Variants in MEG3 observed in about 807,000 individuals in gnomAD.
The protein encoded by MEG3 is maternally expressed 3, also known as Very putative protein from MEG3 locus.
At chr14:100,852,741 A>G (rs533696129), upstream of MEG3, 121 of 236,778 alleles carry the variant, frequency 5.1e-4, no homozygotes, top group Middle Eastern at 1.5e-3. Flanking sequence ...CGGGGAAGGG[A>G]GGGCCCATTG....
chr14:100,840,088 T>G lies in MEG3; in HGVS notation n.3045+3788T>G, dbSNP rs187497375. ...AGGTGCTGGGTCACTGGGGCCGCCG[T>G]GGGCCTCCCAACATGAGGGACTGTG... On this transcript the variant is annotated intron_variant and non_coding_transcript_variant, in intron 2 of 3. Transcript: ENST00000398461. Among the ~76,000 whole-genome samples the G allele has an allele frequency of 2.0e-3, 310 of 152,320 alleles. 2 individuals carry two copies. The highest frequency in any genetic ancestry group is 3.7e-3 in the Non-Finnish European group (250 of 68,034).
intron 2 of MEG3, among the ~76,000 whole-genome samples, chr14:100,840,574 G>A (rs1409946346): frequency 6.6e-6 from 1 of 152,194 alleles, no homozygotes; most frequent in African/African-American, 2.4e-5. Context: ...CCTCCCAGGG[G>A]TTGTGTGGGG....
At chr14:100,830,168 T>C (rs1298668086), downstream of MEG3, 3 of 152,100 alleles carry the variant, frequency 2.0e-5, no homozygotes, top group East Asian at 5.8e-4. Flanking sequence ...AAACCAAATG[T>C]TTGACAATGG....
At chr14:100,839,318 T>G (rs1444891263) in intron 2 of MEG3, among the ~76,000 whole-genome samples, 1 of 152,162 alleles carries the variant, frequency 6.6e-6, no homozygotes, top group Non-Finnish European at 1.5e-5. Flanking sequence ...AGTTGTGAAG[T>G]GTCCCAAGGA....
exon 1 of MEG3, chr14:100,834,458 T>C: frequency 3.2e-6 from 1 of 312,862 alleles, no homozygotes; most frequent in South Asian, 2.8e-5. Context: ...CACGTCCCCA[T>C]CCTGCTTGGG....
At chr14:100,838,590 C>A (rs1207436046) in intron 2 of MEG3, among the ~76,000 whole-genome samples, 1 of 152,200 alleles carries the variant, frequency 6.6e-6, no homozygotes, top group African/African-American at 2.4e-5. Flanking sequence ...CCCTGACTGA[C>A]TAGGCAGTGA....
At chr14:100,846,467 G>C (rs1233941519) in intron 3 of MEG3, 1 of 152,262 alleles carries the variant, frequency 6.6e-6, no homozygotes, top group Non-Finnish European at 1.5e-5. Flanking sequence ...TGTGTTTCTG[G>C]ACTGTGGGCT....
chr14:100,843,833 GTTTTTTT>G (rs11307044), intron 2 of MEG3, among the ~76,000 whole-genome samples: 1 of 70,732 alleles, frequency 1.4e-5, no homozygotes, highest in African/African-American at 6.5e-5. Flanking sequence ...CCCGGGACCT[GTTTTTTT>G]TTTTTTTTTT....
chr14:100,844,967 G>A (rs1173774589), intron 2 of MEG3, among the ~76,000 whole-genome samples: 3 of 152,152 alleles, frequency 2.0e-5, no homozygotes, highest in Admixed American at 1.3e-4. Context: ...CACAACGTGT[G>A]TGCCATGGTT....
exon 1 of MEG3, chr14:100,857,342 T>C (rs2038272775): frequency 6.6e-6 from 1 of 152,150 alleles, no homozygotes; most frequent in Non-Finnish European, 1.5e-5. Flanking sequence ...CTCTAAGCCA[T>C]AGGTCACCTG....
intron 1 of MEG3, chr14:100,826,157 G>C (rs1447140567): frequency 6.6e-6 from 1 of 152,218 alleles, no homozygotes; most frequent in Non-Finnish European, 1.5e-5. Context: ...GCCTTGGCTC[G>C]CTGGCCTTGG....
At position 100,845,798 on chromosome 14, in the gene MEG3, A is replaced by G. The variant is rs1038328803; in HGVS notation, n.3121+265A>G. The G allele has an allele frequency of 4.7e-6, 1 of 214,048 alleles. No individual in the cohort carries two copies. The highest frequency in any genetic ancestry group is 2.0e-3 in the Middle Eastern group (1 of 512). The allele number at this position is 214,048 out of a possible 1,614,324, so 13.3% of individuals were successfully genotyped here. Reference sequence around the variant, plus strand: ...GGCGGGCTTCAAATGTCGGACCCCAAAAGAATTTCTTCTTTTTCACTCTTC... The same window carrying G: ...GGCGGGCTTCAAATGTCGGACCCCAGAAGAATTTCTTCTTTTTCACTCTTC... On this transcript the variant is annotated intron_variant and non_coding_transcript_variant, in intron 3 of 3. Coordinates refer to the MEG3 transcript ENST00000398461. This position sits in a 1 kb window ranked among gnomAD's most constrained non-coding sequence, Gnocchi z 5.2.
At chr14:100,851,844 A>G (rs1391396266) in intron 3 of MEG3, 1 of 154,668 alleles carries the variant, frequency 6.5e-6, no homozygotes, top group East Asian at 1.9e-4. Flanking sequence ...TCGTGCTGAC[A>G]GTCCTCCCCC....
At chr14:100,840,381 C>T (rs889121763) in intron 2 of MEG3, among the ~76,000 whole-genome samples, 3 of 151,902 alleles carry the variant, frequency 2.0e-5, no homozygotes, top group African/African-American at 7.3e-5. Context: ...AGGCTCAGGC[C>T]GAGAGGAATG....
chr14:100,855,952 G>C (rs1013897960), upstream of MEG3: 2 of 152,142 alleles, frequency 1.3e-5, no homozygotes, highest in African/African-American at 4.8e-5. Context: ...CCATATCCTC[G>C]AGAGGCCAAA....
At chr14:100,827,075 G>A (rs1222359289) in intron 1 of MEG3, among the ~76,000 whole-genome samples, 4 of 152,114 alleles carry the variant, frequency 2.6e-5, no homozygotes, top group Non-Finnish European at 5.9e-5. Flanking sequence ...GACGCTGGGA[G>A]CTGGGGATGG....
chr14:100,839,414 C>T (rs745521894), intron 2 of MEG3, among the ~76,000 whole-genome samples: 21 of 152,196 alleles, frequency 1.4e-4, no homozygotes, highest in Non-Finnish European at 2.2e-4. Flanking sequence ...CTCCCATCCC[C>T]GATTTGAGCA....
intron 2 of MEG3, among the ~76,000 whole-genome samples, chr14:100,838,446 C>T (rs373096653): frequency 2.0e-5 from 3 of 152,314 alleles, no homozygotes; most frequent in South Asian, 2.1e-4. Flanking sequence ...TGACTTACTA[C>T]GTCAGCCTTG....
chr14:100,857,755 G>A (rs1255923599), exon 1 of MEG3: 5 of 152,236 alleles, frequency 3.3e-5, no homozygotes, highest in African/African-American at 7.2e-5. Context: ...GCTGCCGTGA[G>A]GGGACGATCT....
Sources: allele counts gnomAD v4.1 joint callset (sites outside exome capture counted in the v4.1 genomes callset), GRCh38; gene constraint gnomAD v4.1.1; non-coding constraint Gnocchi (gnomAD v3.1); transcripts MANE v1.5; gene names NCBI Gene and HGNC (gene_info 2026-07-23, HGNC 2026-07-21).